DOCK6: variants seen among roughly 807,000 people sequenced by gnomAD.
DOCK6 encodes the protein dedicator of cytokinesis protein 6.
In DOCK6, 167 loss-of-function variants were observed where a neutral mutation model predicts 230.3. That is an observed-to-expected ratio of 0.73 (90% confidence interval 0.64 to 0.82). The LOEUF (loss-of-function observed/expected upper bound fraction) is 0.82. Among genes scored for constraint, DOCK6 ranks in the 40% least tolerant of loss-of-function variants. The pLI, the probability that DOCK6 is intolerant of heterozygous loss-of-function variation, is 0.00. For synonymous variants in DOCK6, 1,148 were observed against 1,185.0 expected (o/e 0.97, Z 0.64); for missense variants, 2,598 against 2,825.8 (o/e 0.92, Z 1.83).
chr19:11,250,915 G>T lies in DOCK6; in HGVS notation c.679C>A (p.Arg227=), dbSNP rs35928969. The change falls in exon 6 of 48, where the codon CGG becomes AGG. Residue 227 remains arginine, a synonymous_variant. Coordinates refer to ENST00000294618, the MANE Select transcript of DOCK6 (RefSeq NM_020812.4). ...TAGAGGGTGAGCAGGGCCGGGGGCC[G>T]GTGCTGCCGTCGAAGGGTTTCATTG... is the stretch of plus-strand genomic sequence containing the variant. The part of the protein sequence containing the change: ...RRNETLRRQH[R]PPALLTLYPA... 3.9e-3 allele frequency: 6,301 copies of T among 1,606,064 alleles called. 206 individuals are homozygous for T. In the African/African-American group the frequency reaches 0.074, roughly 19 times the overall value.
At chr19:11,209,139 C>T in intron 37 of DOCK6, 36 bp from the exon 38 acceptor site, 1 of 1,582,128 alleles carries the variant, frequency 6.3e-7, no homozygotes. Context: ...GAGGAGGGGA[C>T]TCACCTGGTC....
rs2147744905 is a variant in DOCK6, at chr19:11,212,107, G to A, written c.4536C>T (p.Ser1512=). The A allele has an allele frequency of 1.2e-6, 2 of 1,612,400 alleles. No homozygotes were observed. Among genetic ancestry groups the A allele is most frequent in the African/African-American group, 1.3e-5 (1 of 75,012 alleles). Residue 1512 remains serine (S), a synonymous_variant, in exon 36 of 48, where the codon TCC becomes TCT. Transcript: ENST00000294618. The stretch of plus-strand genomic sequence containing the variant: ...TGAAGTTCTGCGTCGTCCCCACCAG[G>A]GACGAGAGAGACATGGTGACCTGCA... ...VKMQVTMSLS[S]LVGTTQNFSE... is the part of the protein sequence containing the mutation.
chr19:11,242,642 T>A (rs916665009), intron 13 of DOCK6, among the ~76,000 whole-genome samples: 1 of 152,026 alleles, frequency 6.6e-6, no homozygotes, highest in Admixed American at 6.6e-5. Flanking sequence ...TCTGCCCGCC[T>A]CGGCCTCCCA....
rs550370948 is a variant in DOCK6 at position 11,226,724 on chromosome 19, T to G, written c.2955+613A>C. 2.0e-5 allele frequency among the ~76,000 whole-genome samples: 3 copies of G among 152,288 alleles called. No individual in the cohort carries two copies. The South Asian group carries it at 6.2e-4, about 32-fold the overall frequency. On this transcript the variant is annotated intron_variant, in intron 24 of 47. Coordinates refer to ENST00000294618, the MANE Select transcript of DOCK6 (RefSeq NM_020812.4). The stretch of plus-strand genomic sequence containing the variant: ...AAATGCTTAGATATACAGTAAGTGC[T>G]CAATAAATGCTCCATATTATTACTA...
At chr19:11,210,719 T>TTTCACTGTCTCTTCACCTGTCCACCCC (rs1600861684) in intron 37 of DOCK6, among the ~76,000 whole-genome samples, 1 of 129,468 alleles carries the variant, frequency 7.7e-6, no homozygotes, top group East Asian at 2.6e-4. Flanking sequence ...CTGTCCATCC[T>TTTCACTGTCTCTTCACCTGTCCACCCC]TTCACTGTCT....
chr19:11,219,188 T>G (rs1325348187), intron 28 of DOCK6, among the ~76,000 whole-genome samples: 1 of 124,954 alleles, frequency 8.0e-6, no homozygotes, highest in Non-Finnish European at 1.7e-5. Context: ...TTTTTTTTTT[T>G]TTTTTTTTTT....
chr19:11,262,363 G>A (rs776454800), intron 1 of DOCK6, 34 bp downstream of exon 1: 30 of 1,248,164 alleles, frequency 2.4e-5, no homozygotes, highest in Non-Finnish European at 1.7e-5. Flanking sequence ...GGGCCACGTG[G>A]GGGAGGTGGG....
rs1568235011 is a variant in DOCK6 at position 11,222,956 on chromosome 19, T to TCCATG, written c.3069+32_3069+36dup. 1 of 1,613,546 alleles carries TCCATG rather than the reference T, an allele frequency of 6.2e-7. No homozygotes were observed. The highest frequency in any genetic ancestry group is 1.3e-5 in the African/African-American group (1 of 74,988). On this transcript the variant is annotated intron_variant, in intron 25 of 47. Coordinates refer to ENST00000294618, the MANE Select transcript of DOCK6 (RefSeq NM_020812.4). This position sits in a 1 kb window ranked among gnomAD's most constrained non-coding sequence, Gnocchi z 4.0. ...GATGTCAACATTGCTCCGCCTTCCA[T>TCCATG]CCATGCCATGCCCACCCTGCCCACG...
In DOCK6 at chr19:11,212,064, G is replaced by A. The variant is rs771663347; in HGVS notation, c.4579C>T (p.Arg1527Cys). ...TAGGTGAGGATGGTTTTGAGTGAAC[G>A]TCGCAGGTGCTCTTCACTGAAGTTC... is the stretch of plus-strand genomic sequence containing the variant. ...TQNFSEEHLRRSLKTILTYAE... is the reference protein window; with the variant it reads ...TQNFSEEHLRCSLKTILTYAE... The change falls in exon 36 of 48, where the codon CGT becomes TGT. Residue 1527 changes from arginine (R) to cysteine (C), a missense_variant. Coordinates refer to ENST00000294618, the MANE Select transcript of DOCK6 (RefSeq NM_020812.4). 8.1e-6 allele frequency: 13 copies of A among 1,611,246 alleles called. No homozygotes were observed. The highest frequency in any genetic ancestry group is 4.5e-5 in the East Asian group (2 of 44,840).
chr19:11,227,274 C>A, intron 24 of DOCK6, 63 bp downstream of exon 24: 1 of 1,588,554 alleles, frequency 6.3e-7, no homozygotes, highest in South Asian at 1.1e-5. Flanking sequence ...TTGGCGCCCC[C>A]ACCTGGCTGG....
intron 21 of DOCK6, among the ~76,000 whole-genome samples, chr19:11,235,143 T>G (rs1323369005): frequency 1.3e-5 from 2 of 151,666 alleles, no homozygotes; most frequent in Non-Finnish European, 2.9e-5. Context: ...TGAGATGGAG[T>G]TTCACTCTGT....
At position 11,215,773 on chromosome 19, in the gene DOCK6, G is replaced by C. The variant is rs746716776; in HGVS notation, c.4021+28C>G. 3 of 1,612,962 alleles carry C rather than the reference G, an allele frequency of 1.9e-6. No homozygotes were observed. The South Asian group carries it at 3.3e-5, about 18-fold the overall frequency. ...CAAGGTGGGAGCAGCTGGTGGGATG[G>C]GGACACGTGGGTATGTCACCCTCTT... On this transcript the variant is annotated intron_variant, in intron 31 of 47. Coordinates refer to ENST00000294618, the MANE Select transcript of DOCK6 (RefSeq NM_020812.4).
rs201039216 is a variant in DOCK6, at chr19:11,237,705, G to A, written c.1907C>T (p.Thr636Ile). The A allele has an allele frequency of 6.9e-6, 11 of 1,590,294 alleles. No homozygotes were observed. Among genetic ancestry groups the A allele is most frequent in the Admixed American group, 5.4e-5 (3 of 55,872 alleles). Reference sequence around the variant, plus strand: ...GGGCTGGCAGCTGACATGGTAGAAGGTGAACAGCAGGTGATGGTTCTCTGT... The same window carrying A: ...GGGCTGGCAGCTGACATGGTAGAAGATGAACAGCAGGTGATGGTTCTCTGT... Reference protein sequence around the residue: ...CVTENHHLLFTFYHVSCQPRP... With the variant: ...CVTENHHLLFIFYHVSCQPRP... The change falls in exon 17 of 48, where the codon ACC becomes ATC. Residue 636 changes from threonine to isoleucine, a missense_variant. Thr to Ile is a moderately conservative substitution (Grantham distance 89, BLOSUM62 -1). Coordinates refer to ENST00000294618, the MANE Select transcript of DOCK6 (RefSeq NM_020812.4).
At position 11,202,472 on chromosome 19, in the gene DOCK6, C is replaced by T. The variant is rs1407101959; in HGVS notation, c.5373G>A (p.Thr1791=). The T allele has an allele frequency of 3.2e-5, 52 of 1,613,112 alleles. No homozygotes were observed. The highest frequency in any genetic ancestry group is 4.1e-5 in the Non-Finnish European group (48 of 1,179,438). ...CAACGACGTCGTCGCCAAATCTCTC[C>T]GTGTAGAACTCCTGGAGACACAGGG... ...EISHRLEEFY[T]ERFGDDVVEI... The change falls in exon 43 of 48, where the codon ACG becomes ACA. Residue 1791 remains threonine (T), a synonymous_variant. Transcript: ENST00000294618. This position sits in a 1 kb window ranked among gnomAD's most constrained non-coding sequence, Gnocchi z 5.3.
chr19:11,235,464 T>A (rs983274274), intron 21 of DOCK6, 134 bp downstream of exon 21: 26 of 896,220 alleles, frequency 2.9e-5, no homozygotes, highest in Non-Finnish European at 4.1e-5. Flanking sequence ...TTGGCCAAGT[T>A]GATCTCGAAC....
Position 11,242,194 on chromosome 19 carries a change from G to A in DOCK6, c.1494C>T (p.Ile498=), listed in dbSNP as rs1487141601. ...GATTTTCAGGAGCCGGAGAAATGTCGATCTTGAGCTGGGCTGGGAAGGGAA... is the reference window on the plus strand; with the variant it reads ...GATTTTCAGGAGCCGGAGAAATGTCAATCTTGAGCTGGGCTGGGAAGGGAA... ...RLRPVTAQLK[I]DISPAPENPH... Residue 498 remains isoleucine, a synonymous_variant, in exon 14 of 48, where the codon ATC becomes ATT. Coordinates refer to ENST00000294618, the MANE Select transcript of DOCK6 (RefSeq NM_020812.4). 7 of 1,464,168 alleles carry A rather than the reference G, an allele frequency of 4.8e-6. No homozygotes were observed. The highest frequency in any genetic ancestry group is 6.3e-6 in the Non-Finnish European group (7 of 1,110,440). 90.7% of individuals were successfully genotyped at this position (1,464,168 alleles called of 1,614,324 possible).
chr19:11,202,471 C>T lies in DOCK6; in HGVS notation c.5374G>A (p.Glu1792Lys), dbSNP rs1366602519. Residue 1792 changes from glutamate to lysine, a missense_variant, in exon 43 of 48, where the codon GAG becomes AAG. By Grantham distance (56) the Glu-to-Lys change is moderately conservative (BLOSUM62 1). Coordinates refer to ENST00000294618, the MANE Select transcript of DOCK6 (RefSeq NM_020812.4). This position sits in a 1 kb window ranked among gnomAD's most constrained non-coding sequence, Gnocchi z 5.3. ...ISHRLEEFYTERFGDDVVEII... is the reference protein window; with the variant it reads ...ISHRLEEFYTKRFGDDVVEII... ...TCAACGACGTCGTCGCCAAATCTCT[C>T]CGTGTAGAACTCCTGGAGACACAGG... The T allele has an allele frequency of 1.9e-6, 3 of 1,613,106 alleles. No homozygotes were observed. In the East Asian group the frequency reaches 6.7e-5, roughly 36 times the overall value.
chr19:11,254,160 T>C, intron 1 of DOCK6: 1 of 158,084 alleles, frequency 6.3e-6, no homozygotes, highest in Non-Finnish European at 1.4e-5. Flanking sequence ...GATAAGTCAT[T>C]TCCACCTCTG....
Position 11,236,613 on chromosome 19 carries a change from CAGGGAATGA to C in DOCK6, c.2161-45_2161-37del. 6.5e-7 allele frequency: 1 copy of C among 1,538,908 alleles called. No individual in the cohort carries two copies. The highest frequency in any genetic ancestry group is 8.8e-7 in the Non-Finnish European group (1 of 1,135,708). ...ATGTGGAGTGAGCAGGGTGGGGCCT[CAGGGAATGA>C]AGACCACCCCTGCCTGAATCAGCAG... On this transcript the variant is annotated intron_variant, in intron 19 of 47. Coordinates refer to ENST00000294618, the MANE Select transcript of DOCK6 (RefSeq NM_020812.4). This position sits in a 1 kb window ranked among gnomAD's most constrained non-coding sequence, Gnocchi z 5.2.
Sources: allele counts gnomAD v4.1 joint callset (sites outside exome capture counted in the v4.1 genomes callset), GRCh38; gene constraint gnomAD v4.1.1; non-coding constraint Gnocchi (gnomAD v3.1); transcripts MANE v1.5; gene names NCBI Gene and HGNC (gene_info 2026-07-23, HGNC 2026-07-21).